The following LRP1B variants were observed in gnomAD, a reference collection of about 807,000 sequenced individuals.
The protein encoded by LRP1B is low-density lipoprotein receptor-related protein 1B.
A neutral mutation model predicts 556.6 loss-of-function variants in LRP1B; 217 were observed. The observed-to-expected ratio is 0.39, with a 90% CI of 0.35 to 0.44. LRP1B has a LOEUF of 0.44. LRP1B is among the 20% of genes least tolerant of loss of function. The probability of loss-of-function intolerance (pLI) is 1.00; values close to 1 mark genes in which losing one functional copy is unlikely to be tolerated. For missense variants in LRP1B, 5,053 were observed against 5,620.8 expected (o/e 0.90, Z 3.23); for synonymous variants, 2,047 against 1,865.8 (o/e 1.10, Z -2.50).
At chr2:142,029,998 A>G (rs1405480356) in intron 1 of LRP1B, among the ~76,000 whole-genome samples, 4 of 149,368 alleles carry the variant, frequency 2.7e-5, no homozygotes, top group African/African-American at 7.4e-5. Flanking sequence ...ACTCTCTCCC[A>G]CAACCTTTGA....
intron 83 of LRP1B, among the ~76,000 whole-genome samples, chr2:140,311,862 G>T (rs1185010603): frequency 3.2e-4 from 49 of 151,974 alleles, no homozygotes; most frequent in African/African-American, 1.1e-3. Flanking sequence ...ATATCAGTTA[G>T]GTGACTGTGG....
At chr2:141,955,295 G>A (rs1230352558) in intron 1 of LRP1B, among the ~76,000 whole-genome samples, 2 of 152,034 alleles carry the variant, frequency 1.3e-5, no homozygotes, top group Non-Finnish European at 2.9e-5. Flanking sequence ...CTAAGTTCAT[G>A]TATTGTCAAC....
At chr2:141,519,614 A>G (rs1477272335) in intron 2 of LRP1B, among the ~76,000 whole-genome samples, 1 of 151,894 alleles carries the variant, frequency 6.6e-6, no homozygotes, top group African/African-American at 2.4e-5. Flanking sequence ...ATCAAGAGAA[A>G]CCTACTAGAA....
intron 17 of LRP1B, among the ~76,000 whole-genome samples, chr2:140,987,631 GATGATGTTTGTTTAGGATGTT>G (rs1428841816): frequency 2.6e-5 from 4 of 152,088 alleles, no homozygotes; most frequent in African/African-American, 9.7e-5. Flanking sequence ...GGTGAAAACA[GATGATGTTTGTTTAGGATGTT>G]ATAAAGCATA....
At chr2:141,674,331 C>G (rs62166535) in intron 2 of LRP1B, among the ~76,000 whole-genome samples, 12,082 of 151,922 alleles carry the variant, frequency 0.08, 613 homozygotes, top group South Asian at 0.15. Flanking sequence ...GCCTGTTGAC[C>G]AATACTGATT....
At chr2:141,210,819 A>T (rs1056501074) in intron 6 of LRP1B, among the ~76,000 whole-genome samples, 1 of 152,208 alleles carries the variant, frequency 6.6e-6, no homozygotes, top group African/African-American at 2.4e-5. Flanking sequence ...ATAAACAAAC[A>T]CAAGCAGTAG....
intron 32 of LRP1B, among the ~76,000 whole-genome samples, chr2:140,796,957 T>C (rs888316571): frequency 2.9e-5 from 4 of 137,064 alleles, no homozygotes; most frequent in African/African-American, 5.4e-5. Flanking sequence ...ATTTGTATTA[T>C]CTTAAGTAGG....
chr2:142,024,967 G>A (rs1192890964), intron 1 of LRP1B, among the ~76,000 whole-genome samples: 1 of 152,100 alleles, frequency 6.6e-6, no homozygotes, highest in African/African-American at 2.4e-5. Context: ...CGTTCTATTT[G>A]AGGACAAAGT....
intron 1 of LRP1B, among the ~76,000 whole-genome samples, chr2:142,057,000 GACAA>G (rs998735631): frequency 9.9e-5 from 15 of 152,076 alleles, no homozygotes; most frequent in African/African-American, 3.6e-4. Flanking sequence ...TCGTATCTCT[GACAA>G]ACAAAGCAAA....
intron 31 of LRP1B, among the ~76,000 whole-genome samples, chr2:140,821,503 A>G (rs887418636): frequency 4.1e-4 from 62 of 152,218 alleles, no homozygotes; most frequent in African/African-American, 1.4e-3. Flanking sequence ...AATGCATAAT[A>G]TTGAACAAGG....
chr2:140,555,877 T>C (rs1680713633), intron 43 of LRP1B, among the ~76,000 whole-genome samples: 1 of 152,076 alleles, frequency 6.6e-6, no homozygotes, highest in Non-Finnish European at 1.5e-5. Flanking sequence ...GTACAAAGGT[T>C]GTTATGTCTA....
Position 140,601,647 on chromosome 2 carries a change from G to A in LRP1B, c.6800-8C>T, listed in dbSNP as rs1483252434. 1.3e-6 allele frequency: 2 copies of A among 1,541,456 alleles called. No individual in the cohort carries two copies. Among genetic ancestry groups the A allele is most frequent in the East Asian group, 2.3e-5 (1 of 43,728 alleles). On this transcript the variant is annotated splice_region_variant and splice_polypyrimidine_tract_variant and intron_variant, in intron 41 of 90. Transcript: ENST00000389484. ...CTTCCACAGAACCCACATCTAGTGG[G>A]GGAAGAAAAAGAAAAAATATATACT...
At chr2:142,094,541 TAGAA>T (rs965311702) in intron 1 of LRP1B, among the ~76,000 whole-genome samples, 1 of 151,980 alleles carries the variant, frequency 6.6e-6, no homozygotes, top group African/African-American at 2.4e-5. Flanking sequence ...TCTATAAACA[TAGAA>T]AGAAATAAGC....
intron 7 of LRP1B, among the ~76,000 whole-genome samples, chr2:141,142,921 CTTTTTTTTT>C (rs35543111): frequency 2.0e-5 from 2 of 101,434 alleles, no homozygotes; most frequent in African/African-American, 7.9e-5. Flanking sequence ...TGTCTGATTA[CTTTTTTTTT>C]TTTTTTTTTT....
At chr2:140,559,590 A>G (rs555269119) in intron 43 of LRP1B, among the ~76,000 whole-genome samples, 2 of 152,252 alleles carry the variant, frequency 1.3e-5, no homozygotes, top group African/African-American at 4.8e-5. Context: ...GAAATAAAGA[A>G]CTTGTTGAAA....
At chr2:141,073,114 T>C (rs1213549392) in intron 7 of LRP1B, among the ~76,000 whole-genome samples, 1 of 152,122 alleles carries the variant, frequency 6.6e-6, no homozygotes, top group African/African-American at 2.4e-5. Flanking sequence ...CCATTTATAG[T>C]CCTTTTTCTC....
At chr2:140,842,958 C>CTAAG (rs1392003394) in intron 29 of LRP1B, among the ~76,000 whole-genome samples, 1 of 151,306 alleles carries the variant, frequency 6.6e-6, no homozygotes, top group Non-Finnish European at 1.5e-5. Context: ...TTTTGTCAGT[C>CTAAG]TAAGAACTTA....
chr2:140,385,879 C>G lies in LRP1B; in HGVS notation c.10531+14G>C, dbSNP rs1352138983. 1.3e-6 allele frequency: 2 copies of G among 1,548,014 alleles called. No individual in the cohort carries two copies. The highest frequency in any genetic ancestry group is 1.8e-6 in the Non-Finnish European group (2 of 1,120,382). On this transcript the variant is annotated intron_variant, in intron 67 of 90. Transcript: ENST00000389484. The stretch of plus-strand genomic sequence containing the variant: ...CTGTCAAGCTCAAAACATTATTAGG[C>G]AAGAGTTACTTACTACAGTTTTCTT...
At chr2:141,291,665 G>A (rs891134597) in intron 3 of LRP1B, among the ~76,000 whole-genome samples, 4 of 151,854 alleles carry the variant, frequency 2.6e-5, no homozygotes, top group African/African-American at 9.7e-5. Flanking sequence ...GACCATCCTG[G>A]CTAACACGGT....
Sources: gnomAD v4.1 joint callset for allele counts (sites outside exome capture counted in the v4.1 genomes callset) on GRCh38, gnomAD v4.1.1 for gene constraint, MANE v1.5 for transcripts, NCBI Gene and HGNC (gene_info 2026-07-23, HGNC 2026-07-21) for gene names.